The following CNTNAP5 variants were observed in gnomAD, a reference collection of about 807,000 sequenced individuals.
CNTNAP5 encodes contactin associated protein family member 5, also known as contactin-associated protein-like 5.
CNTNAP5 carries 72 observed loss-of-function variants against 150.2 expected under a neutral mutation model. That is an observed-to-expected ratio of 0.48 (90% CI 0.40 to 0.58). CNTNAP5 has a LOEUF of 0.58. Ranked by LOEUF, CNTNAP5 falls within the 20% of genes least tolerant of loss-of-function variation. The probability of loss-of-function intolerance (pLI) is 0.00; values close to 1 mark genes in which losing one functional copy is unlikely to be tolerated. For missense variants in CNTNAP5, 1,636 were observed against 1,626.2 expected, an observed-to-expected ratio of 1.01 and a Z score of -0.10; for synonymous variants, 672 against 619.8, an observed-to-expected ratio of 1.08 and a Z score of -1.25.
intron 3 of CNTNAP5, among the ~76,000 whole-genome samples, chr2:124,248,766 C>T (rs1320366853): frequency 6.6e-6 from 1 of 152,146 alleles, no homozygotes; most frequent in Non-Finnish European, 1.5e-5. Flanking sequence ...GACAGGGAGT[C>T]AATGTGTAGT....
At chr2:124,416,930 G>A (rs1376874874) in intron 3 of CNTNAP5, among the ~76,000 whole-genome samples, 1 of 147,120 alleles carries the variant, frequency 6.8e-6, no homozygotes, top group African/African-American at 2.5e-5. Flanking sequence ...TGTTTAAGAG[G>A]GATTTCTTTT....
intron 3 of CNTNAP5, among the ~76,000 whole-genome samples, chr2:124,272,334 A>G (rs954232970): frequency 3.3e-5 from 5 of 152,140 alleles, no homozygotes; most frequent in African/African-American, 1.2e-4. Context: ...TCTGGCAATA[A>G]ACTTTACTTT....
chr2:124,865,510 C>A, intron 20 of CNTNAP5, 74 bp downstream of exon 20: 2 of 1,403,014 alleles, frequency 1.4e-6, no homozygotes, highest in African/African-American at 1.4e-5. Context: ...AGCTTCTACC[C>A]CATGCCAGTG....
At chr2:124,251,979 T>A (rs1234921506) in intron 3 of CNTNAP5, among the ~76,000 whole-genome samples, 1 of 152,160 alleles carries the variant, frequency 6.6e-6, no homozygotes, top group Non-Finnish European at 1.5e-5. Flanking sequence ...GGCACCTCCC[T>A]TGAATATGAA....
chr2:124,062,491 G>A (rs2104654987), intron 1 of CNTNAP5, among the ~76,000 whole-genome samples: 1 of 152,304 alleles, frequency 6.6e-6, no homozygotes, highest in East Asian at 1.9e-4. Context: ...TGCAATGTGT[G>A]GAACTGTTTT....
chr2:124,116,502 C>T (rs1254812226), intron 1 of CNTNAP5, among the ~76,000 whole-genome samples: 1 of 152,204 alleles, frequency 6.6e-6, no homozygotes, highest in Non-Finnish European at 1.5e-5. Flanking sequence ...ACTTAGTCCC[C>T]TGAGGTGAGC....
chr2:124,434,599 T>C lies in CNTNAP5; in HGVS notation c.645T>C (p.Asp215=). 3 of 1,613,908 alleles carry C rather than the reference T, an allele frequency of 1.9e-6. No homozygotes were observed. Among genetic ancestry groups the C allele is most frequent in the Non-Finnish European group, 1.7e-6 (2 of 1,179,834 alleles). Residue 215 remains aspartate (D), a synonymous_variant, in exon 5 of 24, where the codon GAT becomes GAC. Transcript: ENST00000682447. ...TGAAGTTCAAGAGCATGCAAGGAGA[T>C]GGGGTCCTGTTCCATGGAGAAGGTC... ...ISLKFKSMQG[D]GVLFHGEGQR...
chr2:124,361,484 T>C (rs1690195412), intron 3 of CNTNAP5, among the ~76,000 whole-genome samples: 1 of 145,464 alleles, frequency 6.9e-6, no homozygotes, highest in Admixed American at 6.9e-5. Context: ...CAGATGGGTT[T>C]TCGGTGTGGA....
At chr2:124,077,436 G>A (rs576657762) in intron 1 of CNTNAP5, among the ~76,000 whole-genome samples, 2 of 152,220 alleles carry the variant, frequency 1.3e-5, no homozygotes, top group South Asian at 4.1e-4. Context: ...TCTGACATTT[G>A]TGTTGTCACA....
chr2:124,196,755 A>T (rs1360473057), intron 1 of CNTNAP5, among the ~76,000 whole-genome samples: 2 of 152,186 alleles, frequency 1.3e-5, no homozygotes, highest in Non-Finnish European at 2.9e-5. Flanking sequence ...AAAGAAACAC[A>T]CCATGATAGT....
intron 1 of CNTNAP5, among the ~76,000 whole-genome samples, chr2:124,081,746 C>T (rs1053190448): frequency 6.6e-6 from 1 of 152,172 alleles, no homozygotes; most frequent in African/African-American, 2.4e-5. Context: ...AGGATCCACT[C>T]ATTCCTTATT....
chr2:124,182,240 A>G (rs540450465), intron 1 of CNTNAP5, among the ~76,000 whole-genome samples: 159 of 152,262 alleles, frequency 1.0e-3, no homozygotes, highest in South Asian at 1.7e-3. Flanking sequence ...TCATATGAAT[A>G]TTGTTTATCA....
chr2:124,808,379 G>A (rs1482019863), intron 19 of CNTNAP5, among the ~76,000 whole-genome samples: 1 of 152,086 alleles, frequency 6.6e-6, no homozygotes, highest in East Asian at 1.9e-4. Flanking sequence ...GCCGAGGTCA[G>A]GAGTTCGAGA....
intron 9 of CNTNAP5, 108 bp downstream of exon 9, chr2:124,524,560 A>G: frequency 1.0e-6 from 1 of 953,110 alleles, no homozygotes. Flanking sequence ...AATTCTCCCA[A>G]CACACAAACA....
chr2:124,825,542 A>C (rs1237185876), intron 19 of CNTNAP5, among the ~76,000 whole-genome samples: 1 of 152,192 alleles, frequency 6.6e-6, no homozygotes, highest in East Asian at 1.9e-4. Flanking sequence ...CAAGGCAGGA[A>C]GCAGAATCTT....
At chr2:124,591,784 T>C (rs1696689126) in intron 11 of CNTNAP5, among the ~76,000 whole-genome samples, 1 of 152,186 alleles carries the variant, frequency 6.6e-6, no homozygotes, top group African/African-American at 2.4e-5. Flanking sequence ...GTTCAAAAAA[T>C]GCTTGTTTAT....
chr2:124,727,769 T>C lies in CNTNAP5; in HGVS notation c.2078-19460T>C, dbSNP rs1680189412. Among the ~76,000 whole-genome samples the C allele has an allele frequency of 4.6e-5, 7 of 152,174 alleles. No individual in the cohort carries two copies. In the South Asian group the frequency reaches 1.4e-3, roughly 32 times the overall value. ...TCATCTGCAGAGACAATTTTACTTA[T>C]TTTTTCCATTTTGGATGTTTTTATT... On this transcript the variant is annotated intron_variant, in intron 13 of 23. Coordinates refer to ENST00000682447, the MANE Select transcript of CNTNAP5 (RefSeq NM_001367498.1).
chr2:124,569,393 A>G (rs367614804), intron 11 of CNTNAP5, among the ~76,000 whole-genome samples: 3 of 149,940 alleles, frequency 2.0e-5, no homozygotes, highest in Admixed American at 1.3e-4. Context: ...GATGACTTGT[A>G]TTATAGGAAT....
intron 13 of CNTNAP5, among the ~76,000 whole-genome samples, chr2:124,732,588 G>T (rs1680294798): frequency 6.6e-6 from 1 of 152,054 alleles, no homozygotes; most frequent in African/African-American, 2.4e-5. Context: ...CCTTCATTTT[G>T]GACTTCCCAG....
Sources: gnomAD v4.1 joint callset for allele counts (sites outside exome capture counted in the v4.1 genomes callset) on GRCh38, gnomAD v4.1.1 for gene constraint, MANE v1.5 for transcripts, NCBI Gene and HGNC (gene_info 2026-07-23, HGNC 2026-07-21) for gene names.